The following DKK2 variants were observed in gnomAD, a reference collection of about 807,000 sequenced individuals.
DKK2 encodes dickkopf-related protein 2.
DKK2 carries 11 observed loss-of-function variants against 28.1 expected under a neutral mutation model. That is an observed-to-expected ratio of 0.39 (90% confidence interval 0.25 to 0.65). DKK2 has a LOEUF of 0.65. Ranked by LOEUF, DKK2 falls within the 30% of genes least tolerant of loss-of-function variation. The pLI, the probability that DKK2 is intolerant of heterozygous loss-of-function variation, is 0.47. For synonymous variants in DKK2, 135 were observed against 126.5 expected, an observed-to-expected ratio of 1.07 and a Z score of -0.45; for missense variants, 326 against 335.5, an observed-to-expected ratio of 0.97 and a Z score of 0.22.
At chr4:106,941,144 A>T (rs568271780) in intron 1 of DKK2, among the ~76,000 whole-genome samples, 58 of 152,160 alleles carry the variant, frequency 3.8e-4, no homozygotes, top group Admixed American at 7.9e-4. Flanking sequence ...TAAAATAAAA[A>T]AAAGCATGAC....
At chr4:107,012,291 T>A (rs2110369564) in intron 1 of DKK2, among the ~76,000 whole-genome samples, 1 of 151,498 alleles carries the variant, frequency 6.6e-6, no homozygotes, top group African/African-American at 2.4e-5. Flanking sequence ...TAAAGAACAT[T>A]CACAGTAGAA....
intron 1 of DKK2, among the ~76,000 whole-genome samples, chr4:107,015,063 T>C (rs1723575025): frequency 6.6e-6 from 1 of 151,560 alleles, no homozygotes; most frequent in Admixed American, 6.6e-5. Context: ...CTCGTGCATG[T>C]GCTGAAACAT....
At chr4:107,019,290 A>T (rs1209261446) in intron 1 of DKK2, among the ~76,000 whole-genome samples, 1 of 152,062 alleles carries the variant, frequency 6.6e-6, no homozygotes, top group Non-Finnish European at 1.5e-5. Context: ...TTAAAATTTT[A>T]ATCAAATAAT....
intron 1 of DKK2, among the ~76,000 whole-genome samples, chr4:107,006,544 A>G (rs530108381): frequency 2.8e-4 from 42 of 152,272 alleles, no homozygotes; most frequent in African/African-American, 9.1e-4. Context: ...GAAATCTTTA[A>G]TGACTCCAAG....
At chr4:107,035,307 C>T in intron 1 of DKK2, 63 bp downstream of exon 1, 24 of 1,578,766 alleles carry the variant, frequency 1.5e-5, no homozygotes, top group Non-Finnish European at 2.1e-5. Flanking sequence ...TGGCAAACCG[C>T]TAGCCCAAGA....
chr4:106,946,346 A>G (rs892252279), intron 1 of DKK2, among the ~76,000 whole-genome samples: 4 of 152,116 alleles, frequency 2.6e-5, no homozygotes, highest in African/African-American at 7.2e-5. Flanking sequence ...GTGAAATAAT[A>G]TGATGTCCAG....
At chr4:107,013,101 T>A (rs1394425481) in intron 1 of DKK2, among the ~76,000 whole-genome samples, 1 of 151,222 alleles carries the variant, frequency 6.6e-6, no homozygotes. Context: ...AAATTACCAC[T>A]ATCCTTCATA....
chr4:106,950,750 T>A (rs1336837118), intron 1 of DKK2, among the ~76,000 whole-genome samples: 1 of 152,208 alleles, frequency 6.6e-6, no homozygotes, highest in East Asian at 1.9e-4. Context: ...ACCTGAATTA[T>A]TACTTTAAAT....
chr4:106,937,095 G>A (rs930952178), intron 1 of DKK2, among the ~76,000 whole-genome samples: 23 of 151,738 alleles, frequency 1.5e-4, no homozygotes, highest in East Asian at 3.9e-4. Flanking sequence ...CATAATGACC[G>A]GATCAAATTC....
chr4:106,983,156 A>G, intron 1 of DKK2, among the ~76,000 whole-genome samples: 1 of 151,856 alleles, frequency 6.6e-6, no homozygotes, highest in East Asian at 1.9e-4. Flanking sequence ...AGTAGCAACT[A>G]GGATGATGTC....
intron 1 of DKK2, among the ~76,000 whole-genome samples, chr4:107,003,861 A>G (rs1723398577): frequency 6.6e-6 from 1 of 152,234 alleles, no homozygotes; most frequent in Non-Finnish European, 1.5e-5. Flanking sequence ...GGTAATTTAT[A>G]CGCACTTTTG....
intron 1 of DKK2, among the ~76,000 whole-genome samples, chr4:106,990,903 C>CTTCT (rs538765537): frequency 1.4e-3 from 214 of 151,968 alleles, no homozygotes; most frequent in African/African-American, 4.9e-3. Context: ...TCTTTGACTT[C>CTTCT]TGTACATGTA....
intron 1 of DKK2, among the ~76,000 whole-genome samples, chr4:106,984,681 C>G (rs1199195932): frequency 6.6e-6 from 1 of 152,174 alleles, no homozygotes. Flanking sequence ...CACCTTGTGG[C>G]TAATGTGACT....
At chr4:106,977,054 T>C (rs1372362729) in intron 1 of DKK2, among the ~76,000 whole-genome samples, 1 of 152,216 alleles carries the variant, frequency 6.6e-6, no homozygotes, top group Non-Finnish European at 1.5e-5. Context: ...TTTAAGAATG[T>C]TGAATATTGG....
At chr4:106,941,140 A>T (rs10017785) in intron 1 of DKK2, among the ~76,000 whole-genome samples, 5,558 of 151,836 alleles carry the variant, frequency 0.037, 109 homozygotes, top group African/African-American at 0.052. Flanking sequence ...AAAATAAAAT[A>T]AAAAAAAGCA....
chr4:106,965,482 A>G (rs950725489), intron 1 of DKK2, among the ~76,000 whole-genome samples: 3 of 152,066 alleles, frequency 2.0e-5, no homozygotes, highest in Middle Eastern at 3.2e-3. Flanking sequence ...ATTTTATATA[A>G]CCTCCCTTGT....
chr4:106,924,821 C>T, intron 2 of DKK2, 121 bp from the exon 3 acceptor site: 1 of 942,364 alleles, frequency 1.1e-6, no homozygotes, highest in Non-Finnish European at 1.5e-6. Flanking sequence ...ATCTATCTAT[C>T]CACCCATCCA....
intron 1 of DKK2, among the ~76,000 whole-genome samples, chr4:107,032,226 C>G (rs1244156705): frequency 6.6e-6 from 1 of 152,016 alleles, no homozygotes; most frequent in Non-Finnish European, 1.5e-5. Flanking sequence ...CTATCACTCT[C>G]AATTTCCTAT....
chr4:106,981,098 G>T (rs1723021986), intron 1 of DKK2, among the ~76,000 whole-genome samples: 2 of 152,152 alleles, frequency 1.3e-5, no homozygotes, highest in South Asian at 4.1e-4. Flanking sequence ...TTTAAAGCCT[G>T]TTTAAAGTGT....
Sources: gnomAD v4.1 joint callset for allele counts (sites outside exome capture counted in the v4.1 genomes callset) on GRCh38, gnomAD v4.1.1 for gene constraint, MANE v1.5 for transcripts, NCBI Gene and HGNC (gene_info 2026-07-23, HGNC 2026-07-21) for gene names.